The following MS4A14 variants were observed in gnomAD, a reference collection of about 807,000 sequenced individuals.
MS4A14 encodes membrane spanning 4-domains A14.
A neutral mutation model predicts 16.7 loss-of-function variants in MS4A14; 18 were observed. The ratio of observed to expected loss-of-function variants is 1.08; its 90% CI spans 0.75 to 1.60. The LOEUF (loss-of-function observed/expected upper bound fraction) is 1.60, where lower values mean the gene tolerates loss of function less well. Ranked by LOEUF, MS4A14 falls within the 40% of genes most tolerant of loss-of-function variation. The pLI is 0.00. For synonymous variants in MS4A14, 305 were observed against 289.4 expected (o/e 1.05, Z -0.55); for missense variants, 812 against 775.3 (o/e 1.05, Z -0.56).
chr11:60,399,942 C>T (rs999725719), intron 2 of MS4A14, among the ~76,000 whole-genome samples: 11 of 152,208 alleles, frequency 7.2e-5, no homozygotes, highest in African/African-American at 2.6e-4. Flanking sequence ...TCTCATTTTC[C>T]TGAGGTGGTA....
At chr11:60,403,522 G>A (rs2085745228) in intron 4 of MS4A14, among the ~76,000 whole-genome samples, 1 of 152,072 alleles carries the variant, frequency 6.6e-6, no homozygotes, top group Admixed American at 6.6e-5. Context: ...AATACAGTGG[G>A]GGAAGGTATT....
At chr11:60,402,521 G>C (rs1055734494) in intron 3 of MS4A14, among the ~76,000 whole-genome samples, 2 of 152,178 alleles carry the variant, frequency 1.3e-5, no homozygotes, top group South Asian at 4.1e-4. Flanking sequence ...CAGAAATTGA[G>C]ATTCCAGGAG....
In MS4A14 at chr11:60,415,333, T is replaced by A. The variant is rs1028891648; in HGVS notation, c.469-104T>A. ...TCTGCCTTCTCATTTAGATGTTATT[T>A]CCTATCTACTGTCTTAAGTCAGAAA... On this transcript the variant is annotated intron_variant, in intron 4 of 4. Coordinates refer to ENST00000300187, the MANE Select transcript of MS4A14 (RefSeq NM_032597.5). 60 of 1,243,430 alleles carry A rather than the reference T, an allele frequency of 4.8e-5. No homozygotes were observed. The South Asian group carries it at 7.4e-4, about 15-fold the overall frequency. The allele number at this position is 1,243,430 out of a possible 1,614,324, so 77.0% of individuals were successfully genotyped here. A position where few individuals can be genotyped will look rare whatever the true frequency, so the allele number is the denominator to read the frequency against.
intron 4 of MS4A14, among the ~76,000 whole-genome samples, chr11:60,403,455 G>C (rs973253673): frequency 3.9e-5 from 6 of 152,066 alleles, no homozygotes; most frequent in Non-Finnish European, 5.9e-5. Context: ...AAATTTTACT[G>C]TTTCAGCATT....
At position 60,409,499 on chromosome 11, in the gene MS4A14, C is replaced by T. The variant is rs139258533; in HGVS notation, c.469-5938C>T. On this transcript the variant is annotated intron_variant, in intron 4 of 4. Coordinates refer to ENST00000300187, the MANE Select transcript of MS4A14 (RefSeq NM_032597.5). ...CATGTTGCCACAAATGACAGAATTACATTCTGTTTTATGGCTGAATAGTAT... is the reference window on the plus strand; with the variant it reads ...CATGTTGCCACAAATGACAGAATTATATTCTGTTTTATGGCTGAATAGTAT... Among the ~76,000 whole-genome samples the T allele has an allele frequency of 5.1e-3, 776 of 151,464 alleles. 7 individuals are homozygous for T. Among genetic ancestry groups the T allele is most frequent in the African/African-American group, 0.018 (747 of 41,372 alleles).
At chr11:60,407,080 T>C (rs1039973281) in intron 4 of MS4A14, among the ~76,000 whole-genome samples, 6 of 142,156 alleles carry the variant, frequency 4.2e-5, no homozygotes, top group African/African-American at 1.3e-4. Context: ...AGTGGCACTG[T>C]CTCGGCTCAC....
intron 1 of MS4A14, among the ~76,000 whole-genome samples, chr11:60,397,117 C>G (rs2085637304): frequency 6.6e-6 from 1 of 152,204 alleles, no homozygotes; most frequent in Admixed American, 6.5e-5. Flanking sequence ...CAGGGGAGAG[C>G]TGTATGCACA....
intron 4 of MS4A14, chr11:60,404,665 A>G (rs1033446780): frequency 2.0e-5 from 9 of 448,554 alleles, no homozygotes; most frequent in Non-Finnish European, 4.0e-5. Context: ...AACCGTCACC[A>G]GGCCAGTTAT....
intron 4 of MS4A14, among the ~76,000 whole-genome samples, chr11:60,404,092 T>C (rs1268812539): frequency 2.0e-5 from 3 of 152,222 alleles, no homozygotes; most frequent in African/African-American, 7.2e-5. Context: ...TTCTTGGCCA[T>C]TGCTGAATGG....
chr11:60,396,602 A>G lies in MS4A14; in HGVS notation c.24A>G (p.Arg8=), dbSNP rs140226757. The G allele has an allele frequency of 2.9e-5, 46 of 1,613,854 alleles. No homozygotes were observed. In the African/African-American group the frequency reaches 5.9e-4, roughly 21 times the overall value. Residue 8 remains arginine (R), a synonymous_variant, in exon 1 of 5, where the codon AGA becomes AGG. Coordinates refer to ENST00000300187, the MANE Select transcript of MS4A14 (RefSeq NM_032597.5). ...TCATGGAGTCAACATCCCAGGACAG[A>G]AGGGCAACTCACGTCATCACTATAA... MESTSQD[R]RATHVITIKP...
At chr11:60,400,944 T>C (rs1277076591) in intron 3 of MS4A14, among the ~76,000 whole-genome samples, 2 of 152,082 alleles carry the variant, frequency 1.3e-5, no homozygotes, top group South Asian at 2.1e-4. Context: ...AAACCAATCC[T>C]AAGCTCTCAC....
chr11:60,406,057 T>A (rs2085781936), intron 4 of MS4A14: 1 of 926,706 alleles, frequency 1.1e-6, no homozygotes. Context: ...CTGCACACAA[T>A]GATGTCTGAT....
chr11:60,404,140 G>A (rs757460841), intron 4 of MS4A14, among the ~76,000 whole-genome samples: 4 of 152,202 alleles, frequency 2.6e-5, no homozygotes, highest in South Asian at 2.1e-4. Flanking sequence ...TCGTATATAC[G>A]AGGAAGAACT....
At chr11:60,414,600 T>C (rs77960895) in intron 4 of MS4A14, among the ~76,000 whole-genome samples, 1,745 of 152,232 alleles carry the variant, frequency 0.011, 39 homozygotes, top group African/African-American at 0.039. Context: ...TGGGAAGCAT[T>C]GCAGGTTGTA....
chr11:60,416,826 C>A lies in MS4A14; in HGVS notation c.1858C>A (p.Gln620Lys). 1 of 1,613,660 alleles carries A rather than the reference C, an allele frequency of 6.2e-7. No individual in the cohort carries two copies. Among genetic ancestry groups the A allele is most frequent in the Non-Finnish European group, 8.5e-7 (1 of 1,179,836 alleles). The part of the protein sequence containing the change: ...PAQEKKSPKG[Q>K]FQNVQAEGQQ... The stretch of plus-strand genomic sequence containing the variant: ...CCAAGAGAAGAAATCCCCGAAAGGA[C>A]AATTCCAAAATGTTCAAGCCGAAGG... The change falls in exon 5 of 5, where the codon CAA becomes AAA. Residue 620 changes from glutamine (Q) to lysine (K), a missense_variant. Coordinates refer to ENST00000300187, the MANE Select transcript of MS4A14 (RefSeq NM_032597.5).
At chr11:60,407,593 G>A (rs1313239328) in intron 4 of MS4A14, among the ~76,000 whole-genome samples, 1 of 152,184 alleles carries the variant, frequency 6.6e-6, no homozygotes, top group Non-Finnish European at 1.5e-5. Flanking sequence ...ACTTGAAACT[G>A]TCAGTTTATT....
intron 4 of MS4A14, among the ~76,000 whole-genome samples, chr11:60,410,898 T>A (rs2085859709): frequency 6.6e-6 from 1 of 152,240 alleles, no homozygotes; most frequent in Middle Eastern, 3.4e-3. Flanking sequence ...CAGGCTGGAG[T>A]GCAGTGGTGA....
In MS4A14 at chr11:60,416,684, A is replaced by C. The variant is rs1237325714; in HGVS notation, c.1716A>C (p.Lys572Asn). 1 of 1,613,942 alleles carries C rather than the reference A, an allele frequency of 6.2e-7. No individual in the cohort carries two copies. Among genetic ancestry groups the C allele is most frequent in the South Asian group, 1.1e-5 (1 of 91,076 alleles). Residue 572 changes from lysine to asparagine, a missense_variant, in exon 5 of 5, where the codon AAA becomes AAC. Coordinates refer to ENST00000300187, the MANE Select transcript of MS4A14 (RefSeq NM_032597.5). ...PDQQAEDQQA[K>N]GEQYPEGQSK... Reference sequence around the variant, plus strand: ...AGCAAGCTGAAGATCAGCAAGCCAAAGGGGAACAATACCCAGAAGGACAAT... The same window carrying C: ...AGCAAGCTGAAGATCAGCAAGCCAACGGGGAACAATACCCAGAAGGACAAT...
chr11:60,415,337 A>G, intron 4 of MS4A14, 100 bp from the exon 5 acceptor site: 3 of 1,280,704 alleles, frequency 2.3e-6, no homozygotes, highest in Non-Finnish European at 3.2e-6. Flanking sequence ...GTTATTTCCT[A>G]TCTACTGTCT....
Sources: allele counts gnomAD v4.1 joint callset (sites outside exome capture counted in the v4.1 genomes callset), GRCh38; gene constraint gnomAD v4.1.1; transcripts MANE v1.5; gene names NCBI Gene and HGNC (gene_info 2026-07-23, HGNC 2026-07-21).